The following ZNF677 variants were observed in gnomAD, a reference collection of about 807,000 sequenced individuals.
ZNF677 encodes zinc finger protein 677, also known as hypothetical protein MGC48625.
ZNF677 carries 5 observed loss-of-function variants against 8.1 expected under a neutral mutation model. The observed-to-expected ratio is 0.62, with a 90% CI of 0.32 to 1.29. The LOEUF is 1.29. Among genes scored for constraint, ZNF677 ranks in the 50% most tolerant of loss-of-function variants. The pLI, the probability that ZNF677 is intolerant of heterozygous loss-of-function variation, is 0.05. For missense variants in ZNF677, 685 were observed against 685.9 expected (o/e 1.00, Z 0.01); for synonymous variants, 221 against 225.6 (o/e 0.98, Z 0.18).
At chr19:53,247,324 A>C (rs1194499661) in intron 3 of ZNF677, among the ~76,000 whole-genome samples, 2 of 152,058 alleles carry the variant, frequency 1.3e-5, no homozygotes, top group Non-Finnish European at 2.9e-5. Context: ...GCCACACTGG[A>C]AGAGGAAGAA....
In ZNF677 at chr19:53,238,127, A is replaced by C. The variant is rs769731453; in HGVS notation, c.600T>G (p.Ala200=). 1 of 1,613,886 alleles carries C rather than the reference A, an allele frequency of 6.2e-7. No individual in the cohort carries two copies. The highest frequency in any genetic ancestry group is 8.5e-7 in the Non-Finnish European group (1 of 1,179,838). The part of the protein sequence containing the change: ...KIGLSLQAQL[A]ELQRFQTGEK... ...CCCCAGTTTGAAATCTCTGTAGTTC[A>C]GCCAGCTGTGCCTGTAAGCTTAATC... is the stretch of plus-strand genomic sequence containing the variant. Residue 200 remains alanine (A), a synonymous_variant, in exon 5 of 5, where the codon GCT becomes GCG. Coordinates refer to ENST00000598513, the MANE Select transcript of ZNF677 (RefSeq NM_182609.4).
intron 3 of ZNF677, among the ~76,000 whole-genome samples, chr19:53,251,210 A>G (rs1445978925): frequency 6.6e-6 from 1 of 152,212 alleles, no homozygotes; most frequent in African/African-American, 2.4e-5. Flanking sequence ...GTTTATAAAG[A>G]GATGAAAGGG....
At chr19:53,240,241 ATTTAT>A (rs150616921) in intron 4 of ZNF677, 51,994 of 151,550 alleles carry the variant, frequency 0.34, 11,088 homozygotes, top group African/African-American at 0.61. Flanking sequence ...CATGGAAGAA[ATTTAT>A]TTTATTTATC....
chr19:53,245,746 G>A (rs1299015195), intron 3 of ZNF677, among the ~76,000 whole-genome samples: 1 of 152,194 alleles, frequency 6.6e-6, no homozygotes, highest in East Asian at 1.9e-4. Flanking sequence ...GGGCGCAGTG[G>A]CTCACACCTG....
At position 53,243,889 on chromosome 19, in the gene ZNF677, A is replaced by G. The variant is rs773569274; in HGVS notation, c.24T>C (p.Phe8=). The G allele has an allele frequency of 5.0e-6, 8 of 1,588,362 alleles. No individual in the cohort carries two copies. Among genetic ancestry groups the G allele is most frequent in the Middle Eastern group, 1.7e-4 (1 of 5,948 alleles). MALSQGL[F]TFKDVAIEFS... The stretch of plus-strand genomic sequence containing the variant: ...ATTCTATGGCCACATCCTTGAATGT[A>G]AACAGTCCCTGAAATAAAAACACAC... Residue 8 remains phenylalanine (F), a synonymous_variant, in exon 4 of 5, where the codon TTT becomes TTC. Transcript: ENST00000598513.
intron 4 of ZNF677, 121 bp downstream of exon 4, chr19:53,243,623 C>T: frequency 7.5e-7 from 1 of 1,330,284 alleles, no homozygotes; most frequent in South Asian, 1.3e-5. Flanking sequence ...TGAAGCCTTT[C>T]CACTCTCAAT....
At chr19:53,241,870 T>C (rs968644118) in intron 4 of ZNF677, 6 of 398,440 alleles carry the variant, frequency 1.5e-5, no homozygotes, top group Non-Finnish European at 2.2e-5. Flanking sequence ...CATCGCCTAT[T>C]GGTGGGTTAT....
chr19:53,242,267 A>G (rs186150016), intron 4 of ZNF677: 111 of 398,590 alleles, frequency 2.8e-4, no homozygotes, highest in African/African-American at 2.1e-3. Context: ...TCAGAGGCAA[A>G]TCTTAGAAGA....
At chr19:53,245,824 C>T (rs575843611) in intron 3 of ZNF677, among the ~76,000 whole-genome samples, 1 of 151,204 alleles carries the variant, frequency 6.6e-6, no homozygotes, top group Non-Finnish European at 1.5e-5. Context: ...CCAGCCTGGC[C>T]AACATGGTGA....
intron 3 of ZNF677, among the ~76,000 whole-genome samples, chr19:53,246,827 T>C (rs1186763804): frequency 1.3e-5 from 2 of 152,182 alleles, no homozygotes; most frequent in Non-Finnish European, 2.9e-5. Context: ...AATCCTGTAT[T>C]GTATACTTAA....
chr19:53,244,844 A>G (rs2091111179), intron 3 of ZNF677, among the ~76,000 whole-genome samples: 1 of 152,220 alleles, frequency 6.6e-6, no homozygotes, highest in African/African-American at 2.4e-5. Flanking sequence ...TCCTGATTTC[A>G]AAGTATATTA....
chr19:53,240,258 A>C (rs2091028434), intron 4 of ZNF677: 1 of 151,976 alleles, frequency 6.6e-6, no homozygotes, highest in South Asian at 2.1e-4. Context: ...TTATTTATCT[A>C]TTTTTTGAGA....
intron 4 of ZNF677, 121 bp downstream of exon 4, chr19:53,243,622 TC>T (rs2091089457): frequency 2.3e-6 from 3 of 1,328,096 alleles, no homozygotes; most frequent in Non-Finnish European, 3.2e-6. Context: ...ATGAAGCCTT[TC>T]CACTCTCAAT....
chr19:53,247,608 A>C (rs2091166665), intron 3 of ZNF677, among the ~76,000 whole-genome samples: 1 of 152,206 alleles, frequency 6.6e-6, no homozygotes, highest in Non-Finnish European at 1.5e-5. Context: ...CAACTATTAT[A>C]GCAGGACTGT....
chr19:53,241,724 GCTACT>G (rs2091052254), intron 4 of ZNF677: 1 of 395,880 alleles, frequency 2.5e-6, no homozygotes, highest in Non-Finnish European at 4.5e-6. Context: ...GGACATGCAG[GCTACT>G]CTACTCAGTG....
Position 53,238,069 on chromosome 19 carries a change from A to G in ZNF677, c.658T>C (p.Ser220Pro), listed in dbSNP as rs571852823. The G allele has an allele frequency of 6.2e-7, 1 of 1,614,060 alleles. No homozygotes were observed. The highest frequency in any genetic ancestry group is 1.1e-5 in the South Asian group (1 of 91,072). ...KMYECNPVEK[S>P]INSSSVSPLP... ...GGTGAAACTGAGGAACTATTGATAGACTTCTCAACTGGATTACATTCATAC... is the reference window on the plus strand; with the variant it reads ...GGTGAAACTGAGGAACTATTGATAGGCTTCTCAACTGGATTACATTCATAC... The change falls in exon 5 of 5, where the codon TCT (serine) becomes CCT (proline). Residue 220 changes from serine (S) to proline (P), a missense_variant. By Grantham distance (74) the Ser-to-Pro change is moderately conservative. Transcript: ENST00000598513.
At chr19:53,242,017 T>C in intron 4 of ZNF677, 1 of 393,990 alleles carries the variant, frequency 2.5e-6, no homozygotes, top group Admixed American at 4.4e-5. Context: ...CCACAACCTC[T>C]GCCTCTCGGG....
rs768921652 is a variant in ZNF677, at chr19:53,237,989, G to A, written c.738C>T (p.Tyr246=). Residue 246 remains tyrosine (Y), a synonymous_variant, in exon 5 of 5, where the codon TAC becomes TAT. Coordinates refer to ENST00000598513, the MANE Select transcript of ZNF677 (RefSeq NM_182609.4). Reference sequence around the variant, plus strand: ...TCCCATACTGTGTATGTAATAAAGGGTATTTCAAAATCTTCCTATATTTAT... The same window carrying A: ...TCCCATACTGTGTATGTAATAAAGGATATTTCAAAATCTTCCTATATTTAT... ...ICNKYRKILK[Y]PLLHTQYGRT... 6.2e-7 allele frequency: 1 copy of A among 1,612,840 alleles called. No homozygotes were observed. The highest frequency in any genetic ancestry group is 8.5e-7 in the Non-Finnish European group (1 of 1,179,764).
chr19:53,243,454 G>GA, intron 4 of ZNF677: 3 of 467,166 alleles, frequency 6.4e-6, no homozygotes, highest in Non-Finnish European at 1.1e-5. Context: ...AAAAACTACT[G>GA]AATCAAAGGC....
Sources: allele counts gnomAD v4.1 joint callset (sites outside exome capture counted in the v4.1 genomes callset), GRCh38; gene constraint gnomAD v4.1.1; transcripts MANE v1.5; gene names NCBI Gene and HGNC (gene_info 2026-07-23, HGNC 2026-07-21).